The following AGPS variants were observed in gnomAD, a reference collection of about 807,000 sequenced individuals.
AGPS encodes alkylglycerone phosphate synthase, also known as alkyldihydroxyacetonephosphate synthase, peroxisomal.
A neutral mutation model predicts 90.7 loss-of-function variants in AGPS; 26 were observed. The observed-to-expected ratio is 0.29, with a 90% CI of 0.21 to 0.40. The LOEUF (loss-of-function observed/expected upper bound fraction) is 0.40, where lower values mean the gene tolerates loss of function less well. AGPS is among the 10% of genes least tolerant of loss of function. The pLI is 1.00. For synonymous variants in AGPS, 294 were observed against 285.3 expected (o/e 1.03, Z -0.31); for missense variants, 540 against 816.1 (o/e 0.66, Z 4.12).
At chr2:177,452,156 G>C (rs1042198468) in intron 8 of AGPS, among the ~76,000 whole-genome samples, 2 of 152,208 alleles carry the variant, frequency 1.3e-5, no homozygotes, top group Non-Finnish European at 1.5e-5. Flanking sequence ...GTGTTTTCCT[G>C]CTGCTGTTTG....
At chr2:177,510,583 T>A (rs1018853684) in intron 16 of AGPS, among the ~76,000 whole-genome samples, 7 of 151,624 alleles carry the variant, frequency 4.6e-5, no homozygotes, top group African/African-American at 1.7e-4. Context: ...TAATGTGCAA[T>A]TTTTTTTTGT....
At chr2:177,452,269 AG>A (rs963696892) in intron 8 of AGPS, among the ~76,000 whole-genome samples, 5 of 152,138 alleles carry the variant, frequency 3.3e-5, no homozygotes, top group Non-Finnish European at 7.4e-5. Flanking sequence ...CAGTTATTGA[AG>A]GGGGGTATTA....
intron 8 of AGPS, among the ~76,000 whole-genome samples, chr2:177,447,460 T>C (rs1051169841): frequency 2.6e-5 from 4 of 152,114 alleles, no homozygotes; most frequent in African/African-American, 9.7e-5. Context: ...CTCTAAAAAG[T>C]CCTGTATCAG....
chr2:177,489,479 G>A (rs1688188927), intron 11 of AGPS, among the ~76,000 whole-genome samples: 1 of 152,146 alleles, frequency 6.6e-6, no homozygotes, highest in African/African-American at 2.4e-5. Flanking sequence ...AATCAGAATA[G>A]TTTTTACTAT....
intron 17 of AGPS, among the ~76,000 whole-genome samples, chr2:177,516,437 C>A (rs1318062638): frequency 6.6e-6 from 1 of 152,152 alleles, no homozygotes; most frequent in African/African-American, 2.4e-5. Flanking sequence ...CACGCTATTA[C>A]TTGTCCAGAT....
chr2:177,521,345 C>G lies in AGPS; in HGVS notation c.1774C>G (p.Leu592Val). 1 of 1,613,934 alleles carries G rather than the reference C, an allele frequency of 6.2e-7. No individual in the cohort carries two copies. ...TAACTACAGGGGAATTAGTGACCCA[C>G]TGACCGTATTTGAACAAACTGAGGT... ...AFNYRGISDP[L>V]TVFEQTEAAA... The change falls in exon 18 of 20, where the codon CTG becomes GTG. Residue 592 changes from leucine to valine, a missense_variant. By Grantham distance (32) the Leu-to-Val change is conservative. Coordinates refer to ENST00000264167, the MANE Select transcript of AGPS (RefSeq NM_003659.4).
chr2:177,445,777 G>C, intron 8 of AGPS, 151 bp downstream of exon 8: 2 of 614,346 alleles, frequency 3.3e-6, no homozygotes, highest in South Asian at 4.6e-5. Context: ...AATTTGTTTA[G>C]TTTCTATTAT....
intron 11 of AGPS, among the ~76,000 whole-genome samples, chr2:177,486,503 G>A (rs892613822): frequency 2.0e-5 from 3 of 151,684 alleles, no homozygotes; most frequent in Non-Finnish European, 2.9e-5. Flanking sequence ...TTGATAGCAG[G>A]GGAATTAAGA....
intron 1 of AGPS, among the ~76,000 whole-genome samples, chr2:177,398,934 T>C (rs1035384791): frequency 2.0e-5 from 3 of 152,236 alleles, no homozygotes; most frequent in African/African-American, 7.2e-5. Context: ...GTTTACTGCC[T>C]AGTTGCAAAC....
At chr2:177,462,217 C>T (rs550475054) in intron 9 of AGPS, among the ~76,000 whole-genome samples, 199 bp downstream of exon 9, 6 of 151,312 alleles carry the variant, frequency 4.0e-5, no homozygotes, top group East Asian at 1.9e-4. Context: ...GGTGAAACCC[C>T]GTCTCTACTA....
At chr2:177,426,578 C>T (rs1035424953) in intron 2 of AGPS, among the ~76,000 whole-genome samples, 1 of 152,012 alleles carries the variant, frequency 6.6e-6, no homozygotes, top group Non-Finnish European at 1.5e-5. Flanking sequence ...TCAATCCTTA[C>T]TTTATTGAAT....
Position 177,436,776 on chromosome 2 carries a change from C to G in AGPS, c.454C>G (p.Pro152Ala). The change falls in exon 4 of 20, where the codon CCT becomes GCT. Residue 152 changes from proline (P) to alanine (A), a missense_variant. Pro to Ala is a conservative substitution (Grantham distance 27). Around this residue, in one of 2 missense-constraint regions of AGPS, gnomAD observed 405 missense variants for 692.1 expected, o/e 0.59. Coordinates refer to ENST00000264167, the MANE Select transcript of AGPS (RefSeq NM_003659.4). ...HKTTSKASLN[P>A]SDTPPSVVNE... ...TTTTATTTTCTAGGCATCCTTAAAT[C>G]CTAGTGATACACCTCCTTCTGTTGT... The G allele has an allele frequency of 6.2e-7, 1 of 1,611,442 alleles. No homozygotes were observed.
At chr2:177,497,187 A>G (rs1688436398) in intron 12 of AGPS, among the ~76,000 whole-genome samples, 1 of 152,026 alleles carries the variant, frequency 6.6e-6, no homozygotes, top group African/African-American at 2.4e-5. Context: ...TAAGGAAGCA[A>G]TTGCTAGTTT....
intron 9 of AGPS, among the ~76,000 whole-genome samples, chr2:177,465,715 C>G (rs2105671516): frequency 6.6e-6 from 1 of 152,330 alleles, no homozygotes; most frequent in South Asian, 2.1e-4. Flanking sequence ...GTGGTGGTGC[C>G]TGGAAGCTTG....
At chr2:177,474,124 T>C (rs1346059725) in intron 10 of AGPS, among the ~76,000 whole-genome samples, 1 of 152,200 alleles carries the variant, frequency 6.6e-6, no homozygotes, top group African/African-American at 2.4e-5. Context: ...CTTGTACATT[T>C]ATAAAATTTG....
intron 8 of AGPS, among the ~76,000 whole-genome samples, chr2:177,459,381 G>A (rs1687218474): frequency 6.6e-6 from 1 of 152,180 alleles, no homozygotes; most frequent in South Asian, 2.1e-4. Flanking sequence ...AGAGTGAACA[G>A]GCAACCTACA....
intron 19 of AGPS, among the ~76,000 whole-genome samples, chr2:177,534,591 C>CT (rs1396708012): frequency 8.9e-4 from 99 of 111,620 alleles, no homozygotes; most frequent in East Asian, 2.3e-3. Context: ...TTTTTTGTTT[C>CT]TTTTTTTTTT....
At chr2:177,492,732 G>A (rs1199894946) in intron 11 of AGPS, among the ~76,000 whole-genome samples, 1 of 151,862 alleles carries the variant, frequency 6.6e-6, no homozygotes, top group East Asian at 1.9e-4. Context: ...CTTTACTGTG[G>A]ATAAAATACA....
rs536788630 is a variant in AGPS at position 177,432,361 on chromosome 2, T to G, written c.351-1966T>G. 7.9e-5 allele frequency among the ~76,000 whole-genome samples: 12 copies of G among 152,372 alleles called. No individual in the cohort carries two copies. In the Middle Eastern group the frequency reaches 0.01, roughly 130 times the overall value. Reference sequence around the variant, plus strand: ...AGAAGAAGATCCATTCAGTAGTCACTGTGATTCAACAATTGGTATAAGTGC... The same window carrying G: ...AGAAGAAGATCCATTCAGTAGTCACGGTGATTCAACAATTGGTATAAGTGC... On this transcript the variant is annotated intron_variant, in intron 2 of 19. Coordinates refer to ENST00000264167, the MANE Select transcript of AGPS (RefSeq NM_003659.4).
Sources: allele counts gnomAD v4.1 joint callset (sites outside exome capture counted in the v4.1 genomes callset), GRCh38; gene constraint gnomAD v4.1.1; regional missense constraint gnomAD v4.1.1; transcripts MANE v1.5; gene names NCBI Gene and HGNC (gene_info 2026-07-23, HGNC 2026-07-21).